The following ZDHHC7 variants were observed in gnomAD, a reference collection of about 807,000 sequenced individuals.
The protein encoded by ZDHHC7 is zDHHC palmitoyltransferase 7.
Under a neutral mutation model 34.1 loss-of-function variants are expected in ZDHHC7, and 12 were observed. The ratio of observed to expected loss-of-function variants is 0.35; its 90% confidence interval spans 0.23 to 0.57. The LOEUF (loss-of-function observed/expected upper bound fraction) is 0.57. ZDHHC7 is among the 20% of genes least tolerant of loss of function. The pLI is 0.84. For missense variants in ZDHHC7, 388 were observed against 402.7 expected (o/e 0.96, Z 0.31); for synonymous variants, 185 against 155.4 (o/e 1.19, Z -1.42).
intron 3 of ZDHHC7, among the ~76,000 whole-genome samples, chr16:84,987,246 A>T (rs77800149): frequency 6.6e-6 from 1 of 152,230 alleles, no homozygotes; most frequent in Non-Finnish European, 1.5e-5. Context: ...CAGAGGACTC[A>T]AGCAGACATG....
intron 3 of ZDHHC7, chr16:84,988,716 A>G: frequency 6.6e-7 from 1 of 1,512,752 alleles, no homozygotes. Flanking sequence ...ACTGCTGAGG[A>G]CTCCCAGCCA....
At chr16:85,005,226 C>G (rs1407017958) in intron 1 of ZDHHC7, among the ~76,000 whole-genome samples, 1 of 152,232 alleles carries the variant, frequency 6.6e-6, no homozygotes. Flanking sequence ...TATTCCCAAC[C>G]TCCTTCCCTG....
the ZDHHC7 span, among the ~76,000 whole-genome samples, chr16:85,024,563 A>G: frequency 3.4e-4 from 52 of 152,288 alleles, no homozygotes; most frequent in African/African-American, 1.2e-3. Context: ...TAGCCATCCA[A>G]TAACTTTACT....
chr16:84,981,771 G>A (rs1488295574), intron 4 of ZDHHC7, 99 bp downstream of exon 4: 10 of 1,593,734 alleles, frequency 6.3e-6, no homozygotes, highest in Admixed American at 3.4e-5. Context: ...ATGCTCGGGG[G>A]CCATGTACCT....
chr16:85,018,345 C>T, the ZDHHC7 span, among the ~76,000 whole-genome samples: 1 of 151,970 alleles, frequency 6.6e-6, no homozygotes, highest in Middle Eastern at 3.2e-3. Context: ...GGGAAGGGAG[C>T]GTGGGGGGCA....
chr16:85,019,494 G>A, the ZDHHC7 span, among the ~76,000 whole-genome samples: 5 of 152,294 alleles, frequency 3.3e-5, no homozygotes, highest in South Asian at 8.3e-4. Context: ...GAGGCGGGCA[G>A]ATCACCTGAG....
At chr16:84,978,268 A>G (rs1597529599) in intron 5 of ZDHHC7, 1 of 307,246 alleles carries the variant, frequency 3.3e-6, no homozygotes, top group East Asian at 6.5e-5. Flanking sequence ...GCTGACCTCT[A>G]GTGATCCACC....
upstream of ZDHHC7, among the ~76,000 whole-genome samples, chr16:85,013,601 G>A (rs574120393): frequency 1.3e-5 from 2 of 152,212 alleles, no homozygotes; most frequent in South Asian, 2.1e-4. Context: ...CTACCTCTTC[G>A]AGTTACTCTT....
At chr16:85,001,222 G>T (rs1475112037) in intron 1 of ZDHHC7, among the ~76,000 whole-genome samples, 1 of 152,158 alleles carries the variant, frequency 6.6e-6, no homozygotes, top group African/African-American at 2.4e-5. Context: ...CGTAATCCCA[G>T]CACTTTGGGA....
chr16:84,998,030 G>T (rs1274011222), intron 1 of ZDHHC7, among the ~76,000 whole-genome samples: 2 of 151,276 alleles, frequency 1.3e-5, no homozygotes, highest in East Asian at 3.9e-4. Flanking sequence ...GGAGGCCGAG[G>T]CGGGCGGATC....
At chr16:84,976,572 C>T in intron 7 of ZDHHC7, 53 bp from the exon 8 acceptor site, 3 of 1,584,966 alleles carry the variant, frequency 1.9e-6, no homozygotes, top group Non-Finnish European at 1.7e-6. Flanking sequence ...CTCGGCAGAC[C>T]CCACCAAGCC....
In ZDHHC7 at chr16:84,990,465, C is replaced by G; in HGVS notation, c.154G>C (p.Val52Leu). The G allele has an allele frequency of 6.2e-7, 1 of 1,614,196 alleles. No homozygotes were observed. The highest frequency in any genetic ancestry group is 8.5e-7 in the Non-Finnish European group (1 of 1,180,026). The part of the protein sequence containing the change: ...IRDGCGMICA[V>L]MTWLLVAYAD... ...TAGGCGACCAGAAGCCACGTCATGA[C>G]AGCACAGATCATGCCGCAGCCGTCA... The change falls in exon 3 of 8, where the codon GTC becomes CTC. Residue 52 changes from valine (V) to leucine (L), a missense_variant. Transcript: ENST00000313732.
At chr16:85,012,448 A>C (rs1374918533), upstream of ZDHHC7, among the ~76,000 whole-genome samples, 1 of 152,020 alleles carries the variant, frequency 6.6e-6, no homozygotes, top group Non-Finnish European at 1.5e-5. Flanking sequence ...TATAAAATGA[A>C]CATATGTCAA....
chr16:84,974,583 T>C lies in ZDHHC7; in HGVS notation c.*1760A>G, dbSNP rs2143517572. On this transcript the variant is annotated 3_prime_UTR_variant, in exon 8 of 8. Transcript: ENST00000313732. Reference sequence around the variant, plus strand: ...GTCTCACAGGATTCAACCACTTGGATAATTGTTTTATTGATAACAGGATAT... The same window carrying C: ...GTCTCACAGGATTCAACCACTTGGACAATTGTTTTATTGATAACAGGATAT... 6.5e-6 allele frequency: 1 copy of C among 152,800 alleles called. No individual in the cohort carries two copies. Among genetic ancestry groups the C allele is most frequent in the Middle Eastern group, 3.4e-3 (1 of 294 alleles). The allele number at this position is 152,800 out of a possible 1,614,324, so 9.5% of individuals were successfully genotyped here. A position where few individuals can be genotyped will look rare whatever the true frequency, so the allele number is the denominator to read the frequency against.
intron 3 of ZDHHC7, among the ~76,000 whole-genome samples, chr16:84,984,502 T>G (rs1176487241): frequency 6.6e-6 from 1 of 152,148 alleles, no homozygotes; most frequent in African/African-American, 2.4e-5. Flanking sequence ...TGCATGCACT[T>G]TTCCACAGCA....
In ZDHHC7 at chr16:84,990,547, G is replaced by A; in HGVS notation, c.72C>T (p.Asp24=). 1 of 1,614,174 alleles carries A rather than the reference G, an allele frequency of 6.2e-7. No homozygotes were observed. Among genetic ancestry groups the A allele is most frequent in the Non-Finnish European group, 8.5e-7 (1 of 1,180,044 alleles). ...HPLLAENDNY[D]SSSSSSSEAD... ...CCTCGGAGGAGGAGGACGATGAAGA[G>A]TCATAGTTGTCATTTTCAGCCAGGA... Residue 24 remains aspartate (D), a synonymous_variant, in exon 3 of 8, where the codon GAC becomes GAT. Coordinates refer to ENST00000313732, the MANE Select transcript of ZDHHC7 (RefSeq NM_017740.3).
At chr16:85,025,433 T>A in the ZDHHC7 span, among the ~76,000 whole-genome samples, 1 of 151,300 alleles carries the variant, frequency 6.6e-6, no homozygotes. Flanking sequence ...GGGGGGGGAC[T>A]AAGTCTCACT....
At chr16:85,015,181 C>A (rs1851943188), upstream of ZDHHC7, among the ~76,000 whole-genome samples, 1 of 151,480 alleles carries the variant, frequency 6.6e-6, no homozygotes, top group African/African-American at 2.4e-5. Context: ...CTCAGTGCAA[C>A]CTCCGCGTCC....
At chr16:84,979,916 T>C (rs1324403950) in intron 4 of ZDHHC7, among the ~76,000 whole-genome samples, 1 of 151,568 alleles carries the variant, frequency 6.6e-6, no homozygotes, top group African/African-American at 2.4e-5. Context: ...GGCAGCAGGT[T>C]CGCTGCAGGC....
Sources: allele counts gnomAD v4.1 joint callset (sites outside exome capture counted in the v4.1 genomes callset), GRCh38; gene constraint gnomAD v4.1.1; transcripts MANE v1.5; gene names NCBI Gene and HGNC (gene_info 2026-07-23, HGNC 2026-07-21).